Variants in EP300 observed in about 807,000 individuals in gnomAD.
EP300 encodes histone acetyltransferase p300.
Under a neutral mutation model 264.0 loss-of-function variants are expected in EP300, and 31 were observed. That is an observed-to-expected ratio of 0.12 (90% CI 0.09 to 0.16). The LOEUF (loss-of-function observed/expected upper bound fraction) is 0.16. EP300 is among the 10% of genes least tolerant of loss of function. EP300 has a pLI of 1.00. For synonymous variants in EP300, 1,340 were observed against 1,045.4 expected, an observed-to-expected ratio of 1.28 and a Z score of -5.44; for missense variants, 2,766 against 3,052.9, an observed-to-expected ratio of 0.91 and a Z score of 2.21.
intron 10 of EP300, 155 bp from the exon 11 acceptor site, chr22:41,146,584 C>G: frequency 2.9e-6 from 2 of 687,262 alleles, no homozygotes; most frequent in Non-Finnish European, 5.1e-6. Flanking sequence ...ACATTTTCTT[C>G]AAGCTTCTGT....
Position 41,166,760 on chromosome 22 carries a change from GTAA to G in EP300, c.3874+97_3874+99del. ...GTGAATTACTTTGTTTTTAATCACA[GTAA>G]TAGAGTAAAAATAAAATAATTCTAT... On this transcript the variant is annotated intron_variant, in intron 23 of 30. Transcript: ENST00000263253. 5.4e-6 allele frequency: 4 copies of G among 737,672 alleles called. No individual in the cohort carries two copies. In the South Asian group the frequency reaches 7.0e-5, roughly 13 times the overall value. 45.7% of individuals were successfully genotyped at this position (737,672 alleles called of 1,614,324 possible).
At chr22:41,114,383 A>G (rs574335540) in intron 1 of EP300, among the ~76,000 whole-genome samples, 91 of 152,100 alleles carry the variant, frequency 6.0e-4, no homozygotes, top group African/African-American at 2.1e-3. Flanking sequence ...GGTTTTCTCC[A>G]TGTTGCCCAG....
intron 6 of EP300, among the ~76,000 whole-genome samples, chr22:41,133,826 G>C (rs1420794787): frequency 6.6e-6 from 1 of 152,112 alleles, no homozygotes; most frequent in African/African-American, 2.4e-5. Flanking sequence ...CACATGTTGA[G>C]CCACTGTGCA....
intron 1 of EP300, among the ~76,000 whole-genome samples, chr22:41,106,515 C>T (rs553154384): frequency 1.3e-5 from 2 of 152,308 alleles, no homozygotes; most frequent in South Asian, 4.1e-4. Context: ...TTACTCTCCC[C>T]ACCTTAGGTT....
chr22:41,149,945 C>T lies in EP300; in HGVS notation c.2564C>T (p.Pro855Leu), dbSNP rs1235418307. The change falls in exon 14 of 31, where the codon CCA becomes CTA. Residue 855 changes from proline (P) to leucine (L), a missense_variant. Physicochemically the swap from Pro to Leu is moderately conservative, Grantham distance 98. Coordinates refer to ENST00000263253, the MANE Select transcript of EP300 (RefSeq NM_001429.4). Reference protein sequence around the residue: ...TPPSIGAQQPPATTIPAPVPT... With the variant: ...TPPSIGAQQPLATTIPAPVPT... ...CCAAGCATAGGGGCTCAGCAGCCACCAGCAACAACAATTCCAGCCCCTGTT... is the reference window on the plus strand; with the variant it reads ...CCAAGCATAGGGGCTCAGCAGCCACTAGCAACAACAATTCCAGCCCCTGTT... 6.2e-7 allele frequency: 1 copy of T among 1,613,906 alleles called. No individual in the cohort carries two copies. Among genetic ancestry groups the T allele is most frequent in the Non-Finnish European group, 8.5e-7 (1 of 1,179,900 alleles).
chr22:41,122,129 CAAG>C (rs1410577348), intron 2 of EP300, among the ~76,000 whole-genome samples: 6 of 134,922 alleles, frequency 4.4e-5, no homozygotes, highest in Non-Finnish European at 6.5e-5. Flanking sequence ...TACATAGAAT[CAAG>C]AAGGTTTTTT....
chr22:41,162,399 T>C (rs1231119051), intron 20 of EP300, among the ~76,000 whole-genome samples: 2 of 152,170 alleles, frequency 1.3e-5, no homozygotes, highest in African/African-American at 4.8e-5. Context: ...TGTGTTATGC[T>C]GGGTTTCAGG....
At chr22:41,158,593 G>A in intron 19 of EP300, 93 bp downstream of exon 19, 1 of 1,019,696 alleles carries the variant, frequency 9.8e-7, no homozygotes, top group Non-Finnish European at 1.5e-6. Flanking sequence ...CATGGTTCAT[G>A]TGTATCTTGC....
chr22:41,125,605 C>T (rs907076490), intron 2 of EP300, among the ~76,000 whole-genome samples: 2 of 152,138 alleles, frequency 1.3e-5, no homozygotes, highest in African/African-American at 4.8e-5. Context: ...CAACCTCTAC[C>T]TCCCAGGCTT....
At chr22:41,097,882 G>A (rs1234784616) in intron 1 of EP300, among the ~76,000 whole-genome samples, 1 of 151,814 alleles carries the variant, frequency 6.6e-6, no homozygotes, top group African/African-American at 2.4e-5. Context: ...TTTTAGTAGA[G>A]ACGGGGTTTC....
At chr22:41,115,366 A>C (rs987668801) in intron 1 of EP300, among the ~76,000 whole-genome samples, 14 of 152,198 alleles carry the variant, frequency 9.2e-5, no homozygotes, top group Non-Finnish European at 2.1e-4. Context: ...AAGAATTATC[A>C]CATAGCTCAA....
intron 1 of EP300, among the ~76,000 whole-genome samples, chr22:41,095,323 C>T (rs1403970611): frequency 1.4e-5 from 2 of 143,224 alleles, no homozygotes; most frequent in African/African-American, 5.2e-5. Flanking sequence ...CAACCTCTGC[C>T]TCCTGGGTTA....
intron 4 of EP300, among the ~76,000 whole-genome samples, chr22:41,128,972 CTCCTT>C (rs2058899624): frequency 6.6e-6 from 1 of 152,014 alleles, no homozygotes; most frequent in Non-Finnish European, 1.5e-5. Context: ...AATTTTGAGA[CTCCTT>C]TACTGATAGT....
At chr22:41,165,345 G>A (rs1313754766) in intron 22 of EP300, among the ~76,000 whole-genome samples, 1 of 152,152 alleles carries the variant, frequency 6.6e-6, no homozygotes. Context: ...AGTAAAAAGC[G>A]ACGGTCTCAG....
intron 1 of EP300, among the ~76,000 whole-genome samples, chr22:41,116,480 A>C (rs1453864823): frequency 6.6e-6 from 1 of 151,828 alleles, no homozygotes. Flanking sequence ...TTCTTTTCCT[A>C]TGTTTTCTGA....
chr22:41,140,367 T>G lies in EP300; in HGVS notation c.1878+110T>G, dbSNP rs924324073. On this transcript the variant is annotated intron_variant, in intron 9 of 30. Transcript: ENST00000263253. ...CATATGCTTCAGACGGGGGACACGC[T>G]GTAGCTATCCCGTCTTATTGTCCCC... The G allele has an allele frequency of 1.8e-5, 15 of 814,526 alleles. 1 individual carries two copies. Among genetic ancestry groups the G allele is most frequent in the Middle Eastern group, 4.4e-4 (2 of 4,498 alleles). 50.5% of individuals were successfully genotyped at this position (814,526 alleles called of 1,614,324 possible).
At chr22:41,130,275 G>T (rs983422368) in intron 5 of EP300, among the ~76,000 whole-genome samples, 1 of 146,404 alleles carries the variant, frequency 6.8e-6, no homozygotes, top group African/African-American at 2.5e-5. Flanking sequence ...AAAAAAGAAA[G>T]AAAAAACAGT....
chr22:41,098,706 C>G (rs1479315644), intron 1 of EP300, among the ~76,000 whole-genome samples: 2 of 152,076 alleles, frequency 1.3e-5, no homozygotes, highest in Non-Finnish European at 2.9e-5. Flanking sequence ...GAGAGTAAAA[C>G]TAAAAGTACT....
At position 41,116,985 on chromosome 22, in the gene EP300, G is replaced by A. The variant is rs73426540; in HGVS notation, c.95-202G>A. ...TGAGATGGTAGAATCACTTGAACCT[G>A]TGGATAGAGGTTACAGTAAGCCAAG... On this transcript the variant is annotated intron_variant, in intron 1 of 30. Transcript: ENST00000263253. Among the ~76,000 whole-genome samples the A allele has an allele frequency of 0.012, 1,831 of 152,254 alleles. 32 individuals are homozygous for A. Among genetic ancestry groups the A allele is most frequent in the African/African-American group, 0.042 (1,764 of 41,524 alleles).
Sources: allele counts gnomAD v4.1 joint callset (sites outside exome capture counted in the v4.1 genomes callset), GRCh38; gene constraint gnomAD v4.1.1; transcripts MANE v1.5; gene names NCBI Gene and HGNC (gene_info 2026-07-23, HGNC 2026-07-21).